The following CDH12 variants were observed in gnomAD, a reference collection of about 807,000 sequenced individuals.
The protein encoded by CDH12 is cadherin 12.
CDH12 carries 41 observed loss-of-function variants against 74.1 expected under a neutral mutation model. The ratio of observed to expected loss-of-function variants is 0.55; its 90% CI spans 0.43 to 0.72. CDH12 has a LOEUF of 0.72. Ranked by LOEUF, CDH12 falls within the 30% of genes least tolerant of loss-of-function variation. CDH12 has a pLI of 0.00. For synonymous variants in CDH12, 399 were observed against 355.0 expected (o/e 1.12, Z -1.39); for missense variants, 945 against 977.2 (o/e 0.97, Z 0.44).
intron 1 of CDH12, among the ~76,000 whole-genome samples, chr5:22,675,870 C>CATATATATCTATATATATATATATAT (rs1554058173): frequency 9.8e-5 from 9 of 92,152 alleles, no homozygotes; most frequent in South Asian, 3.8e-4. Flanking sequence ...TTTTGTATCT[C>CATATATATCTATATATATATATATAT]ATATATATAT....
At chr5:22,233,452 T>A (rs1179806534) in intron 3 of CDH12, among the ~76,000 whole-genome samples, 1 of 152,080 alleles carries the variant, frequency 6.6e-6, no homozygotes, top group Admixed American at 6.6e-5. Flanking sequence ...AAACAAAGTC[T>A]AACTTATTGG....
Position 22,486,749 on chromosome 5 carries a change from G to A in CDH12, c.-428+18521C>T, listed in dbSNP as rs112947374. Among the ~76,000 whole-genome samples the A allele has an allele frequency of 7.4e-3, 1,124 of 151,920 alleles. 14 individuals are homozygous for A. The highest frequency in any genetic ancestry group is 0.024 in the African/African-American group (1,010 of 41,424). ...ATTACAGGCATGAGCCACTGTGCCC[G>A]GCCAGTAACTTGTAATTTTAACCAA... On this transcript the variant is annotated intron_variant, in intron 2 of 14. Transcript: ENST00000382254.
chr5:22,431,605 C>T (rs1029981273), intron 2 of CDH12, among the ~76,000 whole-genome samples: 2 of 152,160 alleles, frequency 1.3e-5, no homozygotes, highest in African/African-American at 2.4e-5. Context: ...ACATATTCCA[C>T]AAGAAGGCAT....
chr5:22,090,843 T>C (rs1225763766), intron 4 of CDH12, among the ~76,000 whole-genome samples: 1 of 152,058 alleles, frequency 6.6e-6, no homozygotes, highest in African/African-American at 2.4e-5. Flanking sequence ...GAGGATCATG[T>C]CAATGATCTA....
chr5:22,601,707 G>A (rs985355253), intron 1 of CDH12, among the ~76,000 whole-genome samples: 4 of 151,902 alleles, frequency 2.6e-5, no homozygotes, highest in Non-Finnish European at 4.4e-5. Flanking sequence ...TCCCAGATGC[G>A]ATGTTACTCC....
intron 3 of CDH12, among the ~76,000 whole-genome samples, chr5:22,317,237 G>C (rs1171434212): frequency 6.6e-6 from 1 of 152,030 alleles, no homozygotes; most frequent in Non-Finnish European, 1.5e-5. Context: ...AGAATGGCTT[G>C]AACCTGGGAG....
chr5:21,870,411 G>T (rs1363791916), intron 6 of CDH12, among the ~76,000 whole-genome samples: 1 of 152,054 alleles, frequency 6.6e-6, no homozygotes, highest in Non-Finnish European at 1.5e-5. Context: ...AATTAAAATG[G>T]CAGAAAAAAA....
chr5:22,119,764 A>G (rs1291264184), intron 4 of CDH12, among the ~76,000 whole-genome samples: 1 of 152,156 alleles, frequency 6.6e-6, no homozygotes, highest in African/African-American at 2.4e-5. Context: ...TGTCATTTGC[A>G]TGAGAAAGAA....
At chr5:21,979,914 G>A (rs1403677874) in intron 5 of CDH12, among the ~76,000 whole-genome samples, 2 of 151,790 alleles carry the variant, frequency 1.3e-5, no homozygotes, top group Non-Finnish European at 2.9e-5. Flanking sequence ...CAGTGTAAAA[G>A]TGTTCCTATT....
intron 2 of CDH12, among the ~76,000 whole-genome samples, chr5:22,434,754 AT>A (rs1430235845): frequency 2.0e-5 from 3 of 151,998 alleles, no homozygotes; most frequent in Admixed American, 6.6e-5. Flanking sequence ...GAAAAAATAG[AT>A]TTTTTGTGTG....
intron 10 of CDH12, among the ~76,000 whole-genome samples, chr5:21,800,914 G>C (rs1430454613): frequency 6.6e-6 from 1 of 152,156 alleles, no homozygotes; most frequent in African/African-American, 2.4e-5. Context: ...CGCCATGATT[G>C]TAAGTTTCCT....
intron 4 of CDH12, among the ~76,000 whole-genome samples, chr5:22,123,586 T>C (rs1745650954): frequency 6.6e-6 from 1 of 152,222 alleles, no homozygotes; most frequent in African/African-American, 2.4e-5. Context: ...CCATCTGAGA[T>C]ATCTCAGGTT....
intron 3 of CDH12, among the ~76,000 whole-genome samples, chr5:22,399,669 T>C (rs1301546009): frequency 6.6e-6 from 1 of 152,144 alleles, no homozygotes; most frequent in Non-Finnish European, 1.5e-5. Context: ...TTAACTACAC[T>C]GCCAGCAAAA....
At chr5:22,095,267 C>T (rs759026594) in intron 4 of CDH12, among the ~76,000 whole-genome samples, 1 of 152,174 alleles carries the variant, frequency 6.6e-6, no homozygotes, top group Admixed American at 6.5e-5. Context: ...CCACTTTCTC[C>T]TTTCAATCTT....
At chr5:21,885,350 C>T (rs1752572219) in intron 6 of CDH12, among the ~76,000 whole-genome samples, 1 of 152,052 alleles carries the variant, frequency 6.6e-6, no homozygotes, top group African/African-American at 2.4e-5. Flanking sequence ...GCTTATTGTA[C>T]TGTAGAGCTA....
At chr5:22,116,430 C>A (rs531665162) in intron 4 of CDH12, among the ~76,000 whole-genome samples, 35 of 152,140 alleles carry the variant, frequency 2.3e-4, no homozygotes, top group African/African-American at 7.7e-4. Context: ...ACAGTGAAAC[C>A]CCATCTCTAC....
chr5:21,876,485 A>C (rs1751946153), intron 6 of CDH12, among the ~76,000 whole-genome samples: 1 of 152,194 alleles, frequency 6.6e-6, no homozygotes, highest in Admixed American at 6.5e-5. Context: ...GACCAGGATA[A>C]ATCTGGAGGA....
At chr5:21,844,903 C>T (rs999699743) in intron 7 of CDH12, among the ~76,000 whole-genome samples, 3 of 152,054 alleles carry the variant, frequency 2.0e-5, no homozygotes, top group African/African-American at 4.8e-5. Flanking sequence ...ACTACAATTT[C>T]GAAGACTATC....
At position 21,833,038 on chromosome 5, in the gene CDH12, T is replaced by TATGTTATGTAAC. The variant is rs1749175197; in HGVS notation, c.814+9122_814+9123insGTTACATAACAT. Among the ~76,000 whole-genome samples, 2 of 67,174 alleles carry TATGTTATGTAAC rather than the reference T, an allele frequency of 3.0e-5. 1 individual carries two copies. The highest frequency in any genetic ancestry group is 1.3e-4 in the African/African-American group (2 of 15,846). 44.1% of individuals were successfully genotyped at this position (67,174 alleles called of 152,430 possible). A position where few individuals can be genotyped will look rare whatever the true frequency, so the allele number is the denominator to read the frequency against. On this transcript the variant is annotated intron_variant, in intron 8 of 14. Coordinates refer to ENST00000382254, the MANE Select transcript of CDH12 (RefSeq NM_004061.5). ...ATATGATATAATATATAATATATAA[T>TATGTTATGTAAC]ATATAATATATATTATATGTTATAT... is the stretch of plus-strand genomic sequence containing the variant.
Sources: gnomAD v4.1 joint callset for allele counts (sites outside exome capture counted in the v4.1 genomes callset) on GRCh38, gnomAD v4.1.1 for gene constraint, MANE v1.5 for transcripts, NCBI Gene and HGNC (gene_info 2026-07-23, HGNC 2026-07-21) for gene names.